ZNF595: variants seen among roughly 807,000 people sequenced by gnomAD.
ZNF595 encodes zinc finger protein 595.
In ZNF595, 9 loss-of-function variants were observed where a neutral mutation model predicts 19.4. The observed-to-expected ratio is 0.46, with a 90% CI of 0.28 to 0.81. The LOEUF (loss-of-function observed/expected upper bound fraction) is 0.81. Among genes scored for constraint, ZNF595 ranks in the 30% least tolerant of loss-of-function variants. The probability of loss-of-function intolerance (pLI) is 0.11; values close to 1 mark genes in which losing one functional copy is unlikely to be tolerated. For missense variants in ZNF595, 729 were observed against 736.0 expected (o/e 0.99, Z 0.11); for synonymous variants, 255 against 255.9 (o/e 1.00, Z 0.03).
intron 3 of ZNF595, among the ~76,000 whole-genome samples, chr4:84,532 T>G (rs1450705586): frequency 6.6e-6 from 1 of 152,176 alleles, no homozygotes; most frequent in Non-Finnish European, 1.5e-5. Context: ...CACAATTCCC[T>G]CTTGTCTAAA....
chr4:86,861 A>G lies in ZNF595; in HGVS notation c.1357A>G (p.Lys453Glu), dbSNP rs782162003. Residue 453 changes from lysine to glutamate, a missense_variant, in exon 4 of 4, where the codon AAA (lysine) becomes GAA (glutamate). By Grantham distance (56) the Lys-to-Glu change is moderately conservative. This residue lies in a region of ZNF595 where 729 missense variants were observed against 675.3 expected (regional missense o/e 1.08). Transcript: ENST00000610261. ...AATCCATTCTGGGCAAAAACCTTAC[A>G]AATGTGAAGAATGTGGCAAAGCCTT... ...KRIHSGQKPYKCEECGKAFTR... is the reference protein window; with the variant it reads ...KRIHSGQKPYECEECGKAFTR... 1 of 1,613,846 alleles carries G rather than the reference A, an allele frequency of 6.2e-7. No individual in the cohort carries two copies. Among genetic ancestry groups the G allele is most frequent in the Admixed American group, 1.7e-5 (1 of 59,984 alleles).
Position 87,535 on chromosome 4 carries a change from ATTTTTC to A in ZNF595, c.*87_*92del, listed in dbSNP as rs1299414306. 13 of 1,270,838 alleles carry A rather than the reference ATTTTTC, an allele frequency of 1.0e-5. No individual in the cohort carries two copies. Among genetic ancestry groups the A allele is most frequent in the African/African-American group, 3.0e-5 (2 of 66,098 alleles). 78.7% of individuals were successfully genotyped at this position (1,270,838 alleles called of 1,614,324 possible). On this transcript the variant is annotated 3_prime_UTR_variant, in exon 4 of 4. Coordinates refer to ENST00000610261, the MANE Select transcript of ZNF595 (RefSeq NM_182524.4). ...TATTGCTCCCATATAAACTTGTATTATTTTTCTTATTTTAAATTTTTTAAAATTTCT... is the reference window on the plus strand; with the variant it reads ...TATTGCTCCCATATAAACTTGTATTATTATTTTAAATTTTTTAAAATTTCT...
In ZNF595 at chr4:87,603, T is replaced by A. The variant is rs1714286931; in HGVS notation, c.*152T>A. 3.4e-6 allele frequency: 2 copies of A among 596,650 alleles called. No homozygotes were observed. The highest frequency in any genetic ancestry group is 5.3e-6 in the Non-Finnish European group (2 of 375,262). 37.0% of individuals were successfully genotyped at this position (596,650 alleles called of 1,614,324 possible). On this transcript the variant is annotated 3_prime_UTR_variant, in exon 4 of 4. Transcript: ENST00000610261. ...GTATGTGTATCTATTCATGGCTTAT[T>A]TGGATTATTTTGATACAGGCATATG... is the stretch of plus-strand genomic sequence containing the variant.
rs538808134 is a variant in ZNF595 at position 78,157 on chromosome 4, C to T, written c.227-7574C>T. 2.2e-4 allele frequency among the ~76,000 whole-genome samples: 33 copies of T among 152,216 alleles called. No homozygotes were observed. In the South Asian group the frequency reaches 5.0e-3, roughly 23 times the overall value. ...CCGAGTAGCTGGGACTACAGGCGTC[C>T]GCGGCCACGTCCGGCTAATTTTTTG... On this transcript the variant is annotated intron_variant, in intron 3 of 3. Coordinates refer to ENST00000610261, the MANE Select transcript of ZNF595 (RefSeq NM_182524.4).
At chr4:78,504 C>T (rs943592647) in intron 3 of ZNF595, among the ~76,000 whole-genome samples, 6 of 152,064 alleles carry the variant, frequency 3.9e-5, no homozygotes, top group Non-Finnish European at 8.8e-5. Context: ...CTACTTTGTT[C>T]GTAAATTATT....
intron 3 of ZNF595, among the ~76,000 whole-genome samples, chr4:80,497 A>G (rs1354358054): frequency 1.3e-5 from 2 of 152,140 alleles, no homozygotes; most frequent in Non-Finnish European, 2.9e-5. Flanking sequence ...AAGACCACCA[A>G]ACGGGCTTTG....
chr4:83,665 A>C (rs1553800526), intron 3 of ZNF595, among the ~76,000 whole-genome samples: 1 of 150,920 alleles, frequency 6.6e-6, no homozygotes, highest in Admixed American at 6.6e-5. Context: ...AAAGAAAAAC[A>C]AGTTGTATCT....
intron 3 of ZNF595, among the ~76,000 whole-genome samples, chr4:72,200 A>G (rs1211964037): frequency 1.3e-5 from 2 of 152,216 alleles, no homozygotes; most frequent in Non-Finnish European, 2.9e-5. Flanking sequence ...GAGGCATACA[A>G]ATGTGAATTT....
At chr4:67,247 C>G (rs1713165199) in intron 3 of ZNF595, among the ~76,000 whole-genome samples, 1 of 152,096 alleles carries the variant, frequency 6.6e-6, no homozygotes, top group Non-Finnish European at 1.5e-5. Flanking sequence ...ACCTCCATGA[C>G]AGAAGTTTGC....
At chr4:74,915 T>G (rs1046285752) in intron 3 of ZNF595, among the ~76,000 whole-genome samples, 4 of 152,336 alleles carry the variant, frequency 2.6e-5, no homozygotes, top group Admixed American at 1.3e-4. Context: ...TTTATTTTCC[T>G]TTTACAATAT....
rs1244849821 is a variant in ZNF595, at chr4:57,443, A to C, written c.4-1987A>C. Reference sequence around the variant, plus strand: ...GTTTGCACCCCAGAAAGTCAGCCTGAGTCTCCTGCCTGGATCACTATGGGG... The same window carrying C: ...GTTTGCACCCCAGAAAGTCAGCCTGCGTCTCCTGCCTGGATCACTATGGGG... On this transcript the variant is annotated intron_variant, in intron 1 of 3. Coordinates refer to ENST00000610261, the MANE Select transcript of ZNF595 (RefSeq NM_182524.4). Among the ~76,000 whole-genome samples the C allele has an allele frequency of 2.0e-5, 3 of 152,302 alleles. No individual in the cohort carries two copies. In the East Asian group the frequency reaches 5.8e-4, roughly 29 times the overall value.
chr4:83,840 TC>T (rs1453980726), intron 3 of ZNF595, among the ~76,000 whole-genome samples: 4 of 151,924 alleles, frequency 2.6e-5, no homozygotes, highest in South Asian at 2.1e-4. Context: ...TTTTCTGTCT[TC>T]CTTTTGACTT....
chr4:78,940 G>A (rs917225260), intron 3 of ZNF595, among the ~76,000 whole-genome samples: 2 of 152,122 alleles, frequency 1.3e-5, no homozygotes, highest in African/African-American at 2.4e-5. Flanking sequence ...TAATCCACTC[G>A]CCTCGGCCTC....
intron 3 of ZNF595, among the ~76,000 whole-genome samples, chr4:83,045 T>C (rs1553800336): frequency 1.3e-5 from 2 of 152,120 alleles, no homozygotes; most frequent in African/African-American, 4.8e-5. Flanking sequence ...GGAACCCTAA[T>C]GTAAGACACA....
chr4:77,961 G>A (rs1450393475), intron 3 of ZNF595, among the ~76,000 whole-genome samples: 1 of 152,060 alleles, frequency 6.6e-6, no homozygotes, highest in East Asian at 1.9e-4. Flanking sequence ...TCATAGGGCT[G>A]CTTCAGGATA....
Position 88,166 on chromosome 4 carries a change from G to A in ZNF595, c.*715G>A, listed in dbSNP as rs1714321774. ...TTCCATATTTATCTTTGAACATGTA[G>A]CATCTCTTTCCGCAAATAAATGCAG... On this transcript the variant is annotated 3_prime_UTR_variant, in exon 4 of 4. Coordinates refer to ENST00000610261, the MANE Select transcript of ZNF595 (RefSeq NM_182524.4). 1.3e-5 allele frequency: 2 copies of A among 152,040 alleles called. No individual in the cohort carries two copies. The highest frequency in any genetic ancestry group is 6.5e-5 in the Admixed American group (1 of 15,270). 9.4% of individuals were successfully genotyped at this position (152,040 alleles called of 1,614,324 possible).
chr4:67,401 CTTTCTG>C (rs1212280534), intron 3 of ZNF595, among the ~76,000 whole-genome samples: 1 of 152,282 alleles, frequency 6.6e-6, no homozygotes, highest in Non-Finnish European at 1.5e-5. Flanking sequence ...GTTTAGTCTT[CTTTCTG>C]TTTCTATGAG....
At chr4:66,712 G>A (rs1186817490) in intron 3 of ZNF595, among the ~76,000 whole-genome samples, 1 of 152,158 alleles carries the variant, frequency 6.6e-6, no homozygotes, top group Non-Finnish European at 1.5e-5. Context: ...TTCTCTTATT[G>A]TGTGGTTATA....
intron 3 of ZNF595, among the ~76,000 whole-genome samples, chr4:61,132 A>C (rs1581364075): frequency 6.6e-6 from 1 of 152,150 alleles, no homozygotes; most frequent in South Asian, 2.1e-4. Context: ...GTATCTACTC[A>C]CCTTCTAGAT....
Sources: allele counts gnomAD v4.1 joint callset (sites outside exome capture counted in the v4.1 genomes callset), GRCh38; gene constraint gnomAD v4.1.1; regional missense constraint gnomAD v4.1.1; transcripts MANE v1.5; gene names NCBI Gene and HGNC (gene_info 2026-07-23, HGNC 2026-07-21).